The following LRP2 variants were observed in gnomAD, a reference collection of about 807,000 sequenced individuals.
LRP2 encodes low-density lipoprotein receptor-related protein 2.
In LRP2, 172 loss-of-function variants were observed where a neutral mutation model predicts 531.0. The observed-to-expected ratio is 0.32, with a 90% CI of 0.29 to 0.37. The LOEUF is 0.37. Among genes scored for constraint, LRP2 ranks in the 10% least tolerant of loss-of-function variants. The pLI is 1.00. For missense variants in LRP2, 5,167 were observed against 5,868.3 expected, an observed-to-expected ratio of 0.88 and a Z score of 3.90; for synonymous variants, 1,992 against 2,027.6, an observed-to-expected ratio of 0.98 and a Z score of 0.47.
intron 6 of LRP2, among the ~76,000 whole-genome samples, chr2:169,292,685 A>C (rs1684028454): frequency 6.6e-6 from 1 of 151,902 alleles, no homozygotes; most frequent in Non-Finnish European, 1.5e-5. Context: ...ATAAATAGCC[A>C]AGCATGGTGG....
intron 1 of LRP2, among the ~76,000 whole-genome samples, chr2:169,357,166 A>G (rs1449884790): frequency 6.6e-6 from 1 of 151,848 alleles, no homozygotes; most frequent in Admixed American, 6.6e-5. Flanking sequence ...GGGCTTCACA[A>G]TTAGTATTTT....
chr2:169,244,568 G>A, intron 22 of LRP2, 125 bp downstream of exon 22: 1 of 1,269,094 alleles, frequency 7.9e-7, no homozygotes, highest in Non-Finnish European at 1.1e-6. Flanking sequence ...ATTGACAAGT[G>A]GAATAGAAGT....
intron 13 of LRP2, among the ~76,000 whole-genome samples, chr2:169,277,484 A>C (rs533689317): frequency 6.6e-6 from 1 of 152,284 alleles, no homozygotes; most frequent in Non-Finnish European, 1.5e-5. Context: ...GACTAGGGGA[A>C]GAGTTGGAGA....
intron 48 of LRP2, 106 bp downstream of exon 48, chr2:169,191,726 A>G (rs2105310785): frequency 1.1e-6 from 1 of 892,756 alleles, no homozygotes. Context: ...CACTAAAAGC[A>G]TCATGGGCCC....
chr2:169,243,947 A>C (rs554985352), intron 22 of LRP2, among the ~76,000 whole-genome samples: 46 of 152,360 alleles, frequency 3.0e-4, no homozygotes, highest in Non-Finnish European at 5.1e-4. Context: ...TGGATTTAAA[A>C]GTCTGAACAG....
intron 14 of LRP2, among the ~76,000 whole-genome samples, chr2:169,274,374 C>T (rs985156468): frequency 2.0e-5 from 3 of 152,028 alleles, no homozygotes; most frequent in African/African-American, 7.3e-5. Context: ...GCTTGAAGCC[C>T]GGAGTTCCAG....
intron 50 of LRP2, among the ~76,000 whole-genome samples, chr2:169,184,412 A>C (rs1407612602): frequency 6.6e-6 from 1 of 152,114 alleles, no homozygotes. Flanking sequence ...TAGGATCTTT[A>C]CCCTTAAGGG....
At chr2:169,200,616 TAAACTAAACTAAACAA>T (rs1688173912) in intron 44 of LRP2, among the ~76,000 whole-genome samples, 1 of 152,142 alleles carries the variant, frequency 6.6e-6, no homozygotes, top group Non-Finnish European at 1.5e-5. Context: ...AATACTAAAC[TAAACTAAACTAAACAA>T]AAAGTTAATT....
intron 1 of LRP2, among the ~76,000 whole-genome samples, chr2:169,342,973 CTCTG>C (rs1685605617): frequency 6.6e-6 from 1 of 152,154 alleles, no homozygotes; most frequent in Non-Finnish European, 1.5e-5. Context: ...TTCTTACATG[CTCTG>C]TCTAAAACCT....
At chr2:169,201,022 T>G (rs1170344108) in intron 44 of LRP2, among the ~76,000 whole-genome samples, 1 of 152,218 alleles carries the variant, frequency 6.6e-6, no homozygotes, top group African/African-American at 2.4e-5. Flanking sequence ...GCACCTGTTA[T>G]GATCAAAACT....
In LRP2 at chr2:169,241,041, A is replaced by G; in HGVS notation, c.3992T>C (p.Val1331Ala). 1 of 1,614,140 alleles carries G rather than the reference A, an allele frequency of 6.2e-7. No homozygotes were observed. The highest frequency in any genetic ancestry group is 8.5e-7 in the Non-Finnish European group (1 of 1,180,036). ...GHNICVNLSV[V>A]CDGIFDCPNG... ...GGGGCAGTCAAAGATGCCATCACAC[A>G]CTACACTCAGATTCACACAGATGTT... The change falls in exon 25 of 79, where the codon GTG becomes GCG. Residue 1331 changes from valine (V) to alanine (A), a missense_variant. Val to Ala is a moderately conservative substitution (Grantham distance 64). This residue lies in a region of LRP2 where 2,811 missense variants were observed against 3,058.0 expected (regional missense o/e 0.92). Transcript: ENST00000649046.
At chr2:169,323,467 G>C (rs939657700) in intron 1 of LRP2, among the ~76,000 whole-genome samples, 1 of 152,058 alleles carries the variant, frequency 6.6e-6, no homozygotes, top group Non-Finnish European at 1.5e-5. Context: ...CTAGTGAAAA[G>C]GTCTAGATTA....
In LRP2 at chr2:169,157,498, T is replaced by G. The variant is rs202212213; in HGVS notation, c.11892A>C (p.Lys3964Asn). 6.2e-7 allele frequency: 1 copy of G among 1,612,742 alleles called. No homozygotes were observed. Among genetic ancestry groups the G allele is most frequent in the Admixed American group, 1.7e-5 (1 of 59,900 alleles). The change falls in exon 64 of 79, where the codon AAA becomes AAC. Residue 3964 changes from lysine to asparagine, a missense_variant. Lys to Asn is a moderately conservative substitution (Grantham distance 94). Transcript: ENST00000649046. ...GDWSDELGCN[K>N]GKERTCAENI... ...TTTCAGCACATGTTCTTTCTTTTCCTTTATCTGAAAAACAAAATCCCAGCA... is the reference window on the plus strand; with the variant it reads ...TTTCAGCACATGTTCTTTCTTTTCCGTTATCTGAAAAACAAAATCCCAGCA...
intron 16 of LRP2, among the ~76,000 whole-genome samples, chr2:169,265,127 C>T (rs1254506110): frequency 2.0e-5 from 3 of 151,820 alleles, no homozygotes; most frequent in Admixed American, 6.6e-5. Flanking sequence ...CCCACATCTT[C>T]CCCTTACTCC....
intron 1 of LRP2, among the ~76,000 whole-genome samples, chr2:169,360,142 AAAAAAAGAGAGAGAG>A (rs1221844284): frequency 7.5e-6 from 1 of 132,624 alleles, no homozygotes; most frequent in Non-Finnish European, 1.6e-5. Flanking sequence ...AAAAAAAAAA[AAAAAAAGAGAGAGAG>A]AGAGAGAGAA....
At chr2:169,166,892 T>C (rs966678241) in intron 61 of LRP2, among the ~76,000 whole-genome samples, 5 of 152,150 alleles carry the variant, frequency 3.3e-5, no homozygotes, top group African/African-American at 1.2e-4. Flanking sequence ...GGCTGTCTGA[T>C]TTTCCTTCCG....
intron 49 of LRP2, among the ~76,000 whole-genome samples, chr2:169,187,006 A>C (rs976176396): frequency 2.0e-5 from 3 of 152,156 alleles, no homozygotes; most frequent in African/African-American, 7.2e-5. Context: ...CTTTGGTAGA[A>C]ATTTATAGAA....
chr2:169,202,116 T>A (rs1233394094), intron 43 of LRP2, among the ~76,000 whole-genome samples: 1 of 152,126 alleles, frequency 6.6e-6, no homozygotes, highest in African/African-American at 2.4e-5. Context: ...TCAAAGTCAT[T>A]CTGTTTCTCT....
At chr2:169,133,598 T>C (rs1056596807) in intron 76 of LRP2, among the ~76,000 whole-genome samples, 8 of 14,502 alleles carry the variant, frequency 5.5e-4, no homozygotes, top group East Asian at 4.6e-3. Flanking sequence ...AAAGGAGCAT[T>C]AGGTGTTAAC....
Sources: gnomAD v4.1 joint callset for allele counts (sites outside exome capture counted in the v4.1 genomes callset) on GRCh38, gnomAD v4.1.1 for gene constraint, gnomAD v4.1.1 regional missense constraint, MANE v1.5 for transcripts, NCBI Gene and HGNC (gene_info 2026-07-23, HGNC 2026-07-21) for gene names.